Variants in KLHL14 observed in about 807,000 individuals in gnomAD.
KLHL14 encodes kelch like family member 14.
Under a neutral mutation model 64.3 loss-of-function variants are expected in KLHL14, and 22 were observed. The observed-to-expected ratio is 0.34, with a 90% CI of 0.24 to 0.49. The LOEUF is 0.49. Among genes scored for constraint, KLHL14 ranks in the 20% least tolerant of loss-of-function variants. The pLI is 0.99. For missense variants in KLHL14, 661 were observed against 789.0 expected, an observed-to-expected ratio of 0.84 and a Z score of 1.94; for synonymous variants, 322 against 333.4, an observed-to-expected ratio of 0.97 and a Z score of 0.37.
At position 32,741,957 on chromosome 18, in the gene KLHL14, T is replaced by C. The variant is rs1235825382; in HGVS notation, c.1040A>G (p.Asp347Gly). The C allele has an allele frequency of 5.6e-6, 9 of 1,608,274 alleles. No homozygotes were observed. Among genetic ancestry groups the C allele is most frequent in the African/African-American group, 1.3e-5 (1 of 74,570 alleles). The part of the protein sequence containing the change: ...LPSNLVQYYD[D>G]EKKTWKILTI... The stretch of plus-strand genomic sequence containing the variant: ...GAGTATTTTCCATGTCTTCTTTTCA[T>C]CGTCGTAATACTGAACCAAATTGCT... The change falls in exon 3 of 9, where the codon GAT becomes GGT. Residue 347 changes from aspartate (D) to glycine (G), a missense_variant. This residue lies in a region of KLHL14 where 330 missense variants were observed against 450.0 expected (regional missense o/e 0.73). Coordinates refer to ENST00000359358, the MANE Select transcript of KLHL14 (RefSeq NM_020805.3).
rs138796588 is a variant in KLHL14, at chr18:32,702,871, T to A, written c.1070-7319A>T. Among the ~76,000 whole-genome samples, 4 of 152,242 alleles carry A rather than the reference T, an allele frequency of 2.6e-5. No individual in the cohort carries two copies. In the East Asian group the frequency reaches 7.7e-4, roughly 29 times the overall value. On this transcript the variant is annotated intron_variant, in intron 3 of 8. Transcript: ENST00000359358. ...GCCAGATTTTCATAATCCCTGGAGATGAAGTTATTTAAGTGAGTTTAAGGT... is the reference window on the plus strand; with the variant it reads ...GCCAGATTTTCATAATCCCTGGAGAAGAAGTTATTTAAGTGAGTTTAAGGT...
intron 3 of KLHL14, among the ~76,000 whole-genome samples, chr18:32,740,266 C>A (rs1349811750): frequency 6.6e-6 from 1 of 152,140 alleles, no homozygotes; most frequent in Non-Finnish European, 1.5e-5. Context: ...CCAGTGTGGA[C>A]AATGTTTAAC....
chr18:32,687,277 T>A, intron 4 of KLHL14, 44 bp from the exon 5 acceptor site: 1 of 1,477,228 alleles, frequency 6.8e-7, no homozygotes, highest in Non-Finnish European at 9.5e-7. Context: ...GATTCTTTTG[T>A]TGATTTGCAC....
In KLHL14 at chr18:32,674,865, C is replaced by T; in HGVS notation, c.1747-68G>A. Reference sequence around the variant, plus strand: ...GAAGTGCAATGGCAATGTTACTGATCATATTTATTAATATATTGAAAAGAA... The same window carrying T: ...GAAGTGCAATGGCAATGTTACTGATTATATTTATTAATATATTGAAAAGAA... On this transcript the variant is annotated intron_variant, in intron 8 of 8. Transcript: ENST00000359358. The T allele has an allele frequency of 1.3e-5, 9 of 704,530 alleles. No homozygotes were observed. The South Asian group carries it at 1.5e-4, about 12-fold the overall frequency. The allele number at this position is 704,530 out of a possible 1,614,324, so 43.6% of individuals were successfully genotyped here.
intron 4 of KLHL14, among the ~76,000 whole-genome samples, chr18:32,692,789 T>C (rs1485738223): frequency 6.6e-6 from 1 of 152,208 alleles, no homozygotes; most frequent in Non-Finnish European, 1.5e-5. Flanking sequence ...GTAAGCTATG[T>C]TTTCTGGCAA....
chr18:32,695,869 T>G (rs529444456), intron 3 of KLHL14, among the ~76,000 whole-genome samples: 1 of 152,270 alleles, frequency 6.6e-6, no homozygotes, highest in African/African-American at 2.4e-5. Flanking sequence ...ATGATGTGGA[T>G]AGTGATCTGA....
rs748853997 is a variant in KLHL14 at position 32,769,883 on chromosome 18, C to T, written c.709G>A (p.Ala237Thr). Residue 237 changes from alanine (A) to threonine (T), a missense_variant, in exon 2 of 9, where the codon GCG (alanine) becomes ACG (threonine). Coordinates refer to ENST00000359358, the MANE Select transcript of KLHL14 (RefSeq NM_020805.3). ...SLPPPVESEL[A>T]LFQMSVLWLE... ...CACAGCACGGACATCTGGAAGAGCG[C>T]CAGCTCCGACTCCACGGGGGGCGGC... 3.7e-6 allele frequency: 6 copies of T among 1,613,910 alleles called. No individual in the cohort carries two copies. In the African/African-American group the frequency reaches 6.7e-5, roughly 18 times the overall value.
intron 3 of KLHL14, chr18:32,738,652 A>C (rs947805339): frequency 3.9e-5 from 6 of 152,182 alleles, no homozygotes; most frequent in African/African-American, 1.4e-4. Context: ...AGGAAGATAA[A>C]CATGCAGTCT....
At chr18:32,731,931 A>G (rs1168311262) in intron 3 of KLHL14, among the ~76,000 whole-genome samples, 1 of 152,122 alleles carries the variant, frequency 6.6e-6, no homozygotes, top group Non-Finnish European at 1.5e-5. Flanking sequence ...TTTAATATAA[A>G]TGGTTTTGGC....
rs142764371 is a variant in KLHL14, at chr18:32,769,403, GA to G, written c.947+241del. Among the ~76,000 whole-genome samples the G allele has an allele frequency of 5.4e-4, 82 of 152,304 alleles. 1 individual carries two copies. In the East Asian group the frequency reaches 0.016, roughly 29 times the overall value. On this transcript the variant is annotated intron_variant, in intron 2 of 8. Coordinates refer to ENST00000359358, the MANE Select transcript of KLHL14 (RefSeq NM_020805.3). ...CAATTCCCATGTTTACGGCTCTGGG[GA>G]TATCTAGAACCTCGGCTTTGGAGCG...
At chr18:32,679,608 CATG>C (rs1434787234) in intron 7 of KLHL14, among the ~76,000 whole-genome samples, 3 of 151,874 alleles carry the variant, frequency 2.0e-5, no homozygotes, top group African/African-American at 7.3e-5. Context: ...GCTGCCAAAA[CATG>C]TCTCTAAAAA....
intron 3 of KLHL14, chr18:32,733,820 G>A: frequency 4.3e-6 from 1 of 233,410 alleles, no homozygotes; most frequent in Non-Finnish European, 8.6e-6. Context: ...CTCTTGGATA[G>A]GTGCCCTTCA....
At chr18:32,698,610 C>T (rs1339891288) in intron 3 of KLHL14, among the ~76,000 whole-genome samples, 1 of 152,122 alleles carries the variant, frequency 6.6e-6, no homozygotes, top group Non-Finnish European at 1.5e-5. Context: ...AAAAAGGTCA[C>T]TTTACTCAGA....
intron 7 of KLHL14, among the ~76,000 whole-genome samples, chr18:32,677,807 A>G (rs1038254831): frequency 6.6e-6 from 1 of 152,164 alleles, no homozygotes; most frequent in African/African-American, 2.4e-5. Flanking sequence ...AAAGTCAATT[A>G]CTTGAGTAAG....
chr18:32,754,292 A>T (rs2050270998), intron 2 of KLHL14, among the ~76,000 whole-genome samples: 2 of 152,230 alleles, frequency 1.3e-5, no homozygotes, highest in Admixed American at 6.5e-5. Flanking sequence ...CAGTCTCATT[A>T]CTGAGACTTC....
chr18:32,691,345 G>A (rs2049906532), intron 4 of KLHL14, among the ~76,000 whole-genome samples: 1 of 152,154 alleles, frequency 6.6e-6, no homozygotes, highest in Non-Finnish European at 1.5e-5. Context: ...GGTGTAACAT[G>A]GATGTGAGAT....
intron 2 of KLHL14, among the ~76,000 whole-genome samples, chr18:32,767,052 A>G (rs2050349818): frequency 6.6e-6 from 1 of 152,172 alleles, no homozygotes; most frequent in Admixed American, 6.5e-5. Context: ...TTTTATATTT[A>G]GAGTTTAAAA....
At chr18:32,766,024 TG>T (rs1357519551) in intron 2 of KLHL14, among the ~76,000 whole-genome samples, 5 of 152,094 alleles carry the variant, frequency 3.3e-5, no homozygotes, top group Non-Finnish European at 5.9e-5. Context: ...CTATTACAGG[TG>T]TTTTCTTGGA....
At chr18:32,732,011 A>G (rs901856277) in intron 3 of KLHL14, among the ~76,000 whole-genome samples, 39 of 152,268 alleles carry the variant, frequency 2.6e-4, no homozygotes, top group African/African-American at 9.1e-4. Context: ...ACCTGAGGTC[A>G]GGAGTTCAAG....
Sources: gnomAD v4.1 joint callset for allele counts (sites outside exome capture counted in the v4.1 genomes callset) on GRCh38, gnomAD v4.1.1 for gene constraint, gnomAD v4.1.1 regional missense constraint, MANE v1.5 for transcripts, NCBI Gene and HGNC (gene_info 2026-07-23, HGNC 2026-07-21) for gene names.